The following NEGR1 variants were observed in gnomAD, a reference collection of about 807,000 sequenced individuals.
NEGR1 encodes the protein neuronal growth regulator 1.
In NEGR1, 10 loss-of-function variants were observed where a neutral mutation model predicts 40.9. The ratio of observed to expected loss-of-function variants is 0.24; its 90% confidence interval spans 0.15 to 0.42. The LOEUF (loss-of-function observed/expected upper bound fraction) is 0.42, where lower values mean the gene tolerates loss of function less well. NEGR1 is among the 10% of genes least tolerant of loss of function. NEGR1 has a pLI of 1.00. For missense variants in NEGR1, 352 were observed against 438.9 expected (o/e 0.80, Z 1.77); for synonymous variants, 185 against 166.8 (o/e 1.11, Z -0.84).
intron 1 of NEGR1, among the ~76,000 whole-genome samples, chr1:72,219,732 T>A (rs188908713): frequency 4.3e-4 from 65 of 152,158 alleles, no homozygotes; most frequent in Non-Finnish European, 7.7e-4. Flanking sequence ...AATCCCAAAT[T>A]TGACTGTTGT....
chr1:71,588,431 C>A (rs1649379955), intron 6 of NEGR1, among the ~76,000 whole-genome samples: 1 of 152,034 alleles, frequency 6.6e-6, no homozygotes, highest in Non-Finnish European at 1.5e-5. Context: ...TCTTCCCTTC[C>A]AATTTTGTAC....
chr1:71,604,581 C>T (rs1650023545), intron 5 of NEGR1, among the ~76,000 whole-genome samples: 1 of 152,000 alleles, frequency 6.6e-6, no homozygotes, highest in Admixed American at 6.5e-5. Flanking sequence ...GTTCATGTTA[C>T]CATTGTAAAA....
chr1:71,457,796 G>A (rs1235107038), intron 6 of NEGR1, among the ~76,000 whole-genome samples: 3 of 152,054 alleles, frequency 2.0e-5, no homozygotes, highest in Non-Finnish European at 2.9e-5. Flanking sequence ...CCGCCTCCTG[G>A]GTTCATGCCA....
chr1:72,182,798 A>ATG (rs1299675232), intron 1 of NEGR1, among the ~76,000 whole-genome samples: 1 of 139,292 alleles, frequency 7.2e-6, no homozygotes, highest in East Asian at 2.1e-4. Context: ...ATATATATAT[A>ATG]TGTTTGTATG....
chr1:72,100,297 C>A (rs554806099), intron 1 of NEGR1, among the ~76,000 whole-genome samples: 1 of 152,152 alleles, frequency 6.6e-6, no homozygotes, highest in African/African-American at 2.4e-5. Flanking sequence ...GCTGAGAAAA[C>A]CACATACATG....
rs546258724 is a variant in NEGR1 at position 71,423,064 on chromosome 1, T to C, written c.941-15494A>G. On this transcript the variant is annotated intron_variant, in intron 6 of 6. Coordinates refer to ENST00000357731, the MANE Select transcript of NEGR1 (RefSeq NM_173808.3). ...TCTGTAAATACAGTTTATTTCCTGATCACTGAGCTACAAAAAGTACAGATT... is the reference window on the plus strand; with the variant it reads ...TCTGTAAATACAGTTTATTTCCTGACCACTGAGCTACAAAAAGTACAGATT... The C allele has an allele frequency of 5.3e-5, 8 of 152,226 alleles. No individual in the cohort carries two copies. The South Asian group carries it at 1.7e-3, about 32-fold the overall frequency. 9.4% of individuals were successfully genotyped at this position (152,226 alleles called of 1,614,324 possible). A position where few individuals can be genotyped will look rare whatever the true frequency, so the allele number is the denominator to read the frequency against.
chr1:71,852,492 G>T (rs537809119), intron 2 of NEGR1, among the ~76,000 whole-genome samples: 2 of 152,108 alleles, frequency 1.3e-5, no homozygotes, highest in South Asian at 2.1e-4. Flanking sequence ...TGGAGCCTAC[G>T]CATGCCACAA....
At chr1:72,106,371 C>CA (rs1164646934) in intron 1 of NEGR1, among the ~76,000 whole-genome samples, 1 of 151,754 alleles carries the variant, frequency 6.6e-6, no homozygotes, top group African/African-American at 2.4e-5. Flanking sequence ...CAGGGACATG[C>CA]AAAATGAAAA....
At chr1:72,143,778 G>A (rs1376958427) in intron 1 of NEGR1, among the ~76,000 whole-genome samples, 1 of 147,440 alleles carries the variant, frequency 6.8e-6, no homozygotes, top group Non-Finnish European at 1.5e-5. Flanking sequence ...ATTGAATATG[G>A]GCCTTTTATT....
At chr1:72,247,630 A>G (rs568674203) in intron 1 of NEGR1, among the ~76,000 whole-genome samples, 2 of 152,220 alleles carry the variant, frequency 1.3e-5, no homozygotes, top group African/African-American at 4.8e-5. Context: ...CCATATTTCT[A>G]TCAGCATTTT....
chr1:72,157,785 G>A (rs1203983736), intron 1 of NEGR1, among the ~76,000 whole-genome samples: 1 of 152,110 alleles, frequency 6.6e-6, no homozygotes, highest in Non-Finnish European at 1.5e-5. Context: ...CTGACATACA[G>A]GTTATCTAAT....
chr1:72,162,885 C>T (rs1039129846), intron 1 of NEGR1, among the ~76,000 whole-genome samples: 1 of 151,918 alleles, frequency 6.6e-6, no homozygotes, highest in Non-Finnish European at 1.5e-5. Context: ...ATGTTCTGAG[C>T]CCTAGGAATT....
chr1:72,037,827 C>T (rs1444486632), intron 1 of NEGR1, among the ~76,000 whole-genome samples: 1 of 151,940 alleles, frequency 6.6e-6, no homozygotes, highest in African/African-American at 2.4e-5. Flanking sequence ...AGAAGTACTT[C>T]CAGGATATAC....
intron 6 of NEGR1, among the ~76,000 whole-genome samples, chr1:71,532,582 G>A (rs1457382347): frequency 6.6e-6 from 1 of 151,546 alleles, no homozygotes; most frequent in African/African-American, 2.4e-5. Flanking sequence ...GTTTGCAAAG[G>A]CATTGCAGAA....
At chr1:71,534,622 AAGT>A (rs1265732988) in intron 6 of NEGR1, among the ~76,000 whole-genome samples, 1 of 151,760 alleles carries the variant, frequency 6.6e-6, no homozygotes, top group Non-Finnish European at 1.5e-5. Flanking sequence ...TGTTATTGAG[AAGT>A]AGAATCTTAC....
chr1:71,452,443 G>A (rs1049371502), intron 6 of NEGR1, among the ~76,000 whole-genome samples: 1 of 152,066 alleles, frequency 6.6e-6, no homozygotes, highest in African/African-American at 2.4e-5. Flanking sequence ...ATACAGCAGG[G>A]GCTTCAACGG....
intron 1 of NEGR1, among the ~76,000 whole-genome samples, chr1:72,089,787 G>T (rs1569945400): frequency 1.3e-5 from 2 of 152,038 alleles, no homozygotes; most frequent in African/African-American, 2.4e-5. Context: ...GCAGACAAAA[G>T]ATTAAATTAT....
At chr1:72,174,553 A>G (rs1652094058) in intron 1 of NEGR1, among the ~76,000 whole-genome samples, 1 of 152,052 alleles carries the variant, frequency 6.6e-6, no homozygotes, top group Non-Finnish European at 1.5e-5. Flanking sequence ...GAGTTTTGCT[A>G]CTTTAGGCAT....
intron 4 of NEGR1, among the ~76,000 whole-genome samples, chr1:71,646,452 G>T (rs1428435997): frequency 3.3e-5 from 5 of 151,674 alleles, no homozygotes; most frequent in African/African-American, 9.7e-5. Flanking sequence ...GAAATATCAA[G>T]AAATTAATTG....
Sources: gnomAD v4.1 joint callset for allele counts (sites outside exome capture counted in the v4.1 genomes callset) on GRCh38, gnomAD v4.1.1 for gene constraint, MANE v1.5 for transcripts, NCBI Gene and HGNC (gene_info 2026-07-23, HGNC 2026-07-21) for gene names.